The following KDM4D variants were observed in gnomAD, a reference collection of about 807,000 sequenced individuals.
KDM4D encodes lysine-specific demethylase 4D.
For missense variants in KDM4D, 427 were observed against 674.8 expected (o/e 0.63, Z 4.07); for synonymous variants, 254 against 249.1 (o/e 1.02, Z -0.19).
intron 2 of KDM4D, among the ~76,000 whole-genome samples, chr11:94,988,060 C>T (rs985875899): frequency 2.0e-5 from 3 of 152,108 alleles, no homozygotes; most frequent in Admixed American, 6.6e-5. Flanking sequence ...ACATGAGTTT[C>T]TATATTGAAA....
chr11:94,979,409 T>C (rs1857825444), intron 2 of KDM4D, among the ~76,000 whole-genome samples: 3 of 152,132 alleles, frequency 2.0e-5, no homozygotes, highest in African/African-American at 7.2e-5. Flanking sequence ...TTTGTATTTT[T>C]AGTAGAGATG....
In KDM4D at chr11:94,997,072, C is replaced by A. The variant is rs1011426235; in HGVS notation, c.-301C>A. On this transcript the variant is annotated 5_prime_UTR_variant, in exon 3 of 3. Transcript: ENST00000335080. Reference sequence around the variant, plus strand: ...ATTCTCTGCTACATTTGGGTCGTACCCCCAGGTCTGAGTAATTCAATAGAC... The same window carrying A: ...ATTCTCTGCTACATTTGGGTCGTACACCCAGGTCTGAGTAATTCAATAGAC... 4 of 233,426 alleles carry A rather than the reference C, an allele frequency of 1.7e-5. No individual in the cohort carries two copies. The highest frequency in any genetic ancestry group is 5.4e-5 in the Admixed American group (1 of 18,532). The allele number at this position is 233,426 out of a possible 1,614,324, so 14.5% of individuals were successfully genotyped here. A position where few individuals can be genotyped will look rare whatever the true frequency, so the allele number is the denominator to read the frequency against.
In KDM4D at chr11:94,998,251, C is replaced by T. The variant is rs1252638838; in HGVS notation, c.879C>T (p.Ile293=). The change falls in exon 3 of 3, where the codon ATC becomes ATT. Residue 293 remains isoleucine (I), a synonymous_variant. Transcript: ENST00000335080. The surrounding 1 kb of genome is among the most constrained non-coding windows in gnomAD (Gnocchi z 6.7). ...ATGGTTTCAACTGCGCAGAGGCCAT[C>T]AATTTTGCCACTCCGCGATGGATTG... ...FNHGFNCAEA[I]NFATPRWIDY... 6.2e-7 allele frequency: 1 copy of T among 1,614,268 alleles called. No homozygotes were observed. Among genetic ancestry groups the T allele is most frequent in the South Asian group, 1.1e-5 (1 of 91,090 alleles).
At chr11:94,983,361 G>C (rs977102852) in intron 2 of KDM4D, among the ~76,000 whole-genome samples, 1 of 151,224 alleles carries the variant, frequency 6.6e-6, no homozygotes, top group African/African-American at 2.4e-5. Flanking sequence ...AGAAAACAAT[G>C]ACAAGAAAAT....
In KDM4D at chr11:94,998,758, T is replaced by C. The variant is rs369415035; in HGVS notation, c.1386T>C (p.Ala462=). 2.7e-5 allele frequency: 43 copies of C among 1,612,548 alleles called. No homozygotes were observed. In the South Asian group the frequency reaches 4.6e-4, roughly 17 times the overall value. Residue 462 remains alanine (A), a synonymous_variant, in exon 3 of 3, where the codon GCT becomes GCC. Transcript: ENST00000335080. The surrounding 1 kb of genome is among the most constrained non-coding windows in gnomAD (Gnocchi z 6.7). ...GRGRPPQKLR[A]QELTLQTPAK... The stretch of plus-strand genomic sequence containing the variant: ...GTCGCCCTCCTCAGAAACTGAGAGC[T>C]CAGGAGCTGACCCTCCAGACTCCAG...
chr11:94,998,149 T>C lies in KDM4D; in HGVS notation c.777T>C (p.Ile259=), dbSNP rs587703801. The change falls in exon 3 of 3, where the codon ATT becomes ATC. Residue 259 remains isoleucine, a synonymous_variant. Coordinates refer to ENST00000335080, the MANE Select transcript of KDM4D (RefSeq NM_018039.3). This position sits in a 1 kb window ranked among gnomAD's most constrained non-coding sequence, Gnocchi z 6.7. The part of the protein sequence containing the change: ...ISPTVLKENG[I]PFNRITQEAG... ...CTACAGTTCTCAAGGAAAATGGGAT[T>C]CCCTTCAATCGCATAACTCAGGAGG... The C allele has an allele frequency of 2.3e-5, 37 of 1,614,158 alleles. No homozygotes were observed. In the South Asian group the frequency reaches 3.4e-4, roughly 15 times the overall value.
intron 2 of KDM4D, among the ~76,000 whole-genome samples, chr11:94,981,364 T>G (rs1272570224): frequency 6.6e-6 from 1 of 152,042 alleles, no homozygotes; most frequent in African/African-American, 2.4e-5. Flanking sequence ...TACCATAAAA[T>G]GAATTGGGAA....
At position 94,997,801 on chromosome 11, in the gene KDM4D, C is replaced by T; in HGVS notation, c.429C>T (p.Ser143=). The T allele has an allele frequency of 6.2e-7, 1 of 1,614,214 alleles. No homozygotes were observed. The highest frequency in any genetic ancestry group is 8.5e-7 in the Non-Finnish European group (1 of 1,180,012). Residue 143 remains serine (S), a synonymous_variant, in exon 3 of 3, where the codon TCC becomes TCT. Transcript: ENST00000335080. ...TTTATGGTGCTGACATCAGTGGCTC[C>T]TTGTTTGATGAAAACACTAAACAAT... ...SPIYGADISG[S]LFDENTKQWN... is the part of the protein sequence containing the mutation.
intron 2 of KDM4D, among the ~76,000 whole-genome samples, chr11:94,995,504 G>A (rs797024306): frequency 1.5e-4 from 23 of 152,312 alleles, no homozygotes; most frequent in African/African-American, 4.8e-4. Context: ...TACTTGGGAA[G>A]GAGTGGAACT....
At chr11:94,976,195 A>C (rs11020992) in intron 2 of KDM4D, among the ~76,000 whole-genome samples, 92,344 of 151,990 alleles carry the variant, frequency 0.61, 28,685 homozygotes, top group Middle Eastern at 0.73. Context: ...ACCTGTTACC[A>C]CAAAATCTAG....
At position 94,998,573 on chromosome 11, in the gene KDM4D, G is replaced by A; in HGVS notation, c.1201G>A (p.Val401Met). Residue 401 changes from valine (V) to methionine (M), a missense_variant, in exon 3 of 3, where the codon GTG (valine) becomes ATG (methionine). Coordinates refer to ENST00000335080, the MANE Select transcript of KDM4D (RefSeq NM_018039.3). The surrounding 1 kb of genome is among the most constrained non-coding windows in gnomAD (Gnocchi z 6.7). ...ARSGTRCHTL[V>M]CSSLPRRSAV... ...CAGTGGGACACGGTGCCACACCCTT[G>A]TGTGCTCTTCACTCCCACGCCGATC... is the stretch of plus-strand genomic sequence containing the variant. The A allele has an allele frequency of 6.2e-7, 1 of 1,613,766 alleles. No homozygotes were observed. Among genetic ancestry groups the A allele is most frequent in the Non-Finnish European group, 8.5e-7 (1 of 1,180,032 alleles).
chr11:94,974,989 A>G (rs999534668), intron 1 of KDM4D, among the ~76,000 whole-genome samples: 1 of 152,182 alleles, frequency 6.6e-6, no homozygotes, highest in Admixed American at 6.5e-5. Context: ...TCTTAATGTG[A>G]CCTGAGACCC....
chr11:94,999,173 T>G lies in KDM4D; in HGVS notation c.*229T>G, dbSNP rs1858006248. The G allele has an allele frequency of 2.5e-6, 1 of 395,316 alleles. No homozygotes were observed. The highest frequency in any genetic ancestry group is 1.0e-4 in the South Asian group (1 of 9,718). 24.5% of individuals were successfully genotyped at this position (395,316 alleles called of 1,614,324 possible). On this transcript the variant is annotated 3_prime_UTR_variant, in exon 3 of 3. Coordinates refer to ENST00000335080, the MANE Select transcript of KDM4D (RefSeq NM_018039.3). ...AATGTCTTTGGATATTGCTAAAATC[T>G]ATTTCTGCAGCTGAGGTTTTATCCA...
intron 2 of KDM4D, among the ~76,000 whole-genome samples, chr11:94,979,014 C>T (rs1238281291): frequency 3.3e-5 from 5 of 152,062 alleles, no homozygotes; most frequent in Admixed American, 1.3e-4. Flanking sequence ...AAGCAAACAA[C>T]AACATTGATC....
At chr11:94,988,419 A>C (rs1027669381) in intron 2 of KDM4D, among the ~76,000 whole-genome samples, 2 of 152,210 alleles carry the variant, frequency 1.3e-5, no homozygotes, top group African/African-American at 4.8e-5. Flanking sequence ...TCAAAGCCGG[A>C]ACTCAATTAT....
chr11:94,998,504 C>A lies in KDM4D; in HGVS notation c.1132C>A (p.Pro378Thr). The change falls in exon 3 of 3, where the codon CCT becomes ACT. Residue 378 changes from proline to threonine, a missense_variant. Pro to Thr is a conservative substitution (Grantham distance 38). Coordinates refer to ENST00000335080, the MANE Select transcript of KDM4D (RefSeq NM_018039.3). This position sits in a 1 kb window ranked among gnomAD's most constrained non-coding sequence, Gnocchi z 6.7. Reference sequence around the variant, plus strand: ...AGCAGCGCTGGGCCTGAGACAACTCCCTTCCCACTGGGCCCGGCATTCCCC... The same window carrying A: ...AGCAGCGCTGGGCCTGAGACAACTCACTTCCCACTGGGCCCGGCATTCCCC... ...RRAALGLRQLPSHWARHSPWP... is the reference protein window; with the variant it reads ...RRAALGLRQLTSHWARHSPWP... The A allele has an allele frequency of 6.2e-7, 1 of 1,612,376 alleles. No individual in the cohort carries two copies. Among genetic ancestry groups the A allele is most frequent in the South Asian group, 1.1e-5 (1 of 91,080 alleles).
chr11:94,996,089 T>C (rs1209876872), intron 2 of KDM4D, among the ~76,000 whole-genome samples: 1 of 152,226 alleles, frequency 6.6e-6, no homozygotes, highest in Non-Finnish European at 1.5e-5. Context: ...CCTCTTTCTT[T>C]CCCTTAACTC....
At chr11:94,991,504 G>A (rs892445862) in intron 2 of KDM4D, among the ~76,000 whole-genome samples, 1 of 151,982 alleles carries the variant, frequency 6.6e-6, no homozygotes. Context: ...CATGAAGCAA[G>A]AATAAGACAA....
At position 94,999,176 on chromosome 11, in the gene KDM4D, T is replaced by C. The variant is rs1555099719; in HGVS notation, c.*232T>C. On this transcript the variant is annotated 3_prime_UTR_variant, in exon 3 of 3. Transcript: ENST00000335080. ...GTCTTTGGATATTGCTAAAATCTAT[T>C]TCTGCAGCTGAGGTTTTATCCACTG... The C allele has an allele frequency of 5.1e-6, 2 of 388,494 alleles. No individual in the cohort carries two copies. Among genetic ancestry groups the C allele is most frequent in the African/African-American group, 2.1e-5 (1 of 48,348 alleles). 24.1% of individuals were successfully genotyped at this position (388,494 alleles called of 1,614,324 possible).
Sources: gnomAD v4.1 joint callset for allele counts (sites outside exome capture counted in the v4.1 genomes callset) on GRCh38, gnomAD v4.1.1 for gene constraint, Gnocchi (gnomAD v3.1) non-coding constraint, MANE v1.5 for transcripts, NCBI Gene and HGNC (gene_info 2026-07-23, HGNC 2026-07-21) for gene names.